Variants in MSRA observed in about 807,000 individuals in gnomAD.
The protein encoded by MSRA is methionine sulfoxide reductase A, also known as mitochondrial peptide methionine sulfoxide reductase.
Under a neutral mutation model 31.3 loss-of-function variants are expected in MSRA, and 54 were observed. The observed-to-expected ratio is 1.73, with a 90% CI of 1.39 to 2.17. The LOEUF (loss-of-function observed/expected upper bound fraction) is 2.17, where lower values mean the gene tolerates loss of function less well. MSRA is among the 30% of genes most tolerant of loss of function. The pLI, the probability that MSRA is intolerant of heterozygous loss-of-function variation, is 0.00. For synonymous variants in MSRA, 169 were observed against 116.5 expected, an observed-to-expected ratio of 1.45 and a Z score of -2.90; for missense variants, 507 against 300.9, an observed-to-expected ratio of 1.69 and a Z score of -5.07.
At chr8:10,094,728 C>A (rs546519893) in intron 1 of MSRA, among the ~76,000 whole-genome samples, 16 of 152,176 alleles carry the variant, frequency 1.1e-4, no homozygotes, top group Middle Eastern at 3.4e-3. Flanking sequence ...GAAGCACAGA[C>A]TGGCTATTTT....
At chr8:10,122,481 T>A (rs993958103) in intron 1 of MSRA, among the ~76,000 whole-genome samples, 1 of 152,044 alleles carries the variant, frequency 6.6e-6, no homozygotes, top group Non-Finnish European at 1.5e-5. Context: ...ATTAGGAATG[T>A]AAGTGGATCC....
At position 10,317,026 on chromosome 8, in the gene MSRA, C is replaced by G. The variant is rs79018027; in HGVS notation, c.437-2857C>G. ...GTGCAGCAGACTGTAAGGCAGGATC[C>G]GTTTTCTCTTAGCAGCAGTCTATAG... On this transcript the variant is annotated intron_variant, in intron 4 of 5. Transcript: ENST00000317173. 3.9e-3 allele frequency among the ~76,000 whole-genome samples: 599 copies of G among 152,248 alleles called. 4 individuals are homozygous for G. The highest frequency in any genetic ancestry group is 0.013 in the African/African-American group (553 of 41,526).
intron 3 of MSRA, among the ~76,000 whole-genome samples, chr8:10,285,944 C>A (rs1416332429): frequency 9.2e-5 from 14 of 152,030 alleles, no homozygotes; most frequent in Admixed American, 9.2e-4. Context: ...AGATAAAGTG[C>A]AATTGGCCTA....
At position 10,172,036 on chromosome 8, in the gene MSRA, C is replaced by G. The variant is rs762989861; in HGVS notation, c.143-35797C>G. ...CCCATATATCATAGTAATAACAAGA[C>G]ATAGAAACTAATATACTCACTCCCA... On this transcript the variant is annotated intron_variant, in intron 1 of 5. Transcript: ENST00000317173. Among the ~76,000 whole-genome samples, 3 of 152,142 alleles carry G rather than the reference C, an allele frequency of 2.0e-5. No individual in the cohort carries two copies. In the South Asian group the frequency reaches 6.2e-4, roughly 32 times the overall value.
At chr8:10,355,325 C>G (rs77808597) in intron 5 of MSRA, among the ~76,000 whole-genome samples, 1 of 152,182 alleles carries the variant, frequency 6.6e-6, no homozygotes. Flanking sequence ...GTCAGAGACT[C>G]GGGATTTTTG....
chr8:10,351,137 C>T (rs1461824678), intron 5 of MSRA, among the ~76,000 whole-genome samples: 3 of 151,272 alleles, frequency 2.0e-5, no homozygotes, highest in African/African-American at 2.4e-5. Context: ...GCTTGTTCCT[C>T]GGTGGTGACA....
chr8:10,138,508 C>T (rs770600767), intron 1 of MSRA, among the ~76,000 whole-genome samples: 3 of 152,162 alleles, frequency 2.0e-5, no homozygotes, highest in Admixed American at 6.5e-5. Context: ...AGAAATAAGA[C>T]GGCTGCTTTC....
At chr8:10,282,748 C>A (rs987977505) in intron 3 of MSRA, among the ~76,000 whole-genome samples, 1 of 152,196 alleles carries the variant, frequency 6.6e-6, no homozygotes, top group African/African-American at 2.4e-5. Context: ...GCTAAGTAAT[C>A]TTGAAAATAT....
chr8:10,390,368 G>A (rs1806664053), intron 5 of MSRA, among the ~76,000 whole-genome samples: 1 of 152,176 alleles, frequency 6.6e-6, no homozygotes, highest in African/African-American at 2.4e-5. Context: ...CCAAACTGGA[G>A]TCGCGTGGTC....
At chr8:10,159,635 C>T (rs1804469190) in intron 1 of MSRA, among the ~76,000 whole-genome samples, 1 of 148,942 alleles carries the variant, frequency 6.7e-6, no homozygotes, top group South Asian at 2.2e-4. Flanking sequence ...CTTTACAAGG[C>T]TTTCTAGTAA....
chr8:10,403,900 A>G (rs1807626329), intron 5 of MSRA, among the ~76,000 whole-genome samples: 2 of 152,210 alleles, frequency 1.3e-5, no homozygotes, highest in Non-Finnish European at 1.5e-5. Flanking sequence ...CACCACTCAC[A>G]GAGGATTGTA....
chr8:10,322,886 T>A (rs1802128839), intron 5 of MSRA, among the ~76,000 whole-genome samples: 1 of 152,038 alleles, frequency 6.6e-6, no homozygotes, highest in African/African-American at 2.4e-5. Context: ...GGTCAGGACT[T>A]CGAGACCAGC....
intron 3 of MSRA, among the ~76,000 whole-genome samples, chr8:10,292,636 C>T (rs1012048293): frequency 6.6e-6 from 1 of 152,204 alleles, no homozygotes; most frequent in African/African-American, 2.4e-5. Flanking sequence ...TCGCAGTGGC[C>T]GGGCTCTCTC....
intron 1 of MSRA, among the ~76,000 whole-genome samples, chr8:10,206,087 A>G (rs1204458051): frequency 6.6e-6 from 1 of 152,052 alleles, no homozygotes; most frequent in African/African-American, 2.4e-5. Context: ...AGTGGGATTC[A>G]TGGGTTTAAA....
chr8:10,379,123 A>G (rs900372115), intron 5 of MSRA, among the ~76,000 whole-genome samples: 1 of 152,024 alleles, frequency 6.6e-6, no homozygotes, highest in Non-Finnish European at 1.5e-5. Flanking sequence ...CACCTCCCTA[A>G]TGTACTGGCT....
intron 1 of MSRA, among the ~76,000 whole-genome samples, chr8:10,181,132 A>C (rs1333226569): frequency 6.6e-6 from 1 of 152,202 alleles, no homozygotes; most frequent in African/African-American, 2.4e-5. Context: ...CGCAGATGGG[A>C]GGAGGGGACA....
At chr8:10,293,830 G>A (rs118034529) in intron 3 of MSRA, among the ~76,000 whole-genome samples, 2 of 152,174 alleles carry the variant, frequency 1.3e-5, no homozygotes, top group Non-Finnish European at 2.9e-5. Flanking sequence ...CTGGGACACA[G>A]GAGAGCACAG....
intron 5 of MSRA, among the ~76,000 whole-genome samples, chr8:10,351,245 CTTTTTTTTTTTTTTTTT>C (rs71203317): frequency 6.3e-4 from 36 of 56,810 alleles, no homozygotes; most frequent in African/African-American, 2.5e-3. Context: ...CTGAAGGAGA[CTTTTTTTTTTTTTTTTT>C]TTTTTTTTTT....
intron 5 of MSRA, among the ~76,000 whole-genome samples, chr8:10,391,949 G>T (rs991896687): frequency 7.2e-5 from 11 of 152,216 alleles, no homozygotes; most frequent in Non-Finnish European, 1.6e-4. Context: ...GATGGAACAT[G>T]TCTCTAAATT....
Sources: allele counts gnomAD v4.1 joint callset (sites outside exome capture counted in the v4.1 genomes callset), GRCh38; gene constraint gnomAD v4.1.1; transcripts MANE v1.5; gene names NCBI Gene and HGNC (gene_info 2026-07-23, HGNC 2026-07-21).